The following ITGB3BP variants were observed in gnomAD, a reference collection of about 807,000 sequenced individuals.
ITGB3BP encodes the protein integrin subunit beta 3 binding protein, also known as centromere protein R.
A neutral mutation model predicts 29.1 loss-of-function variants in ITGB3BP; 27 were observed. The observed-to-expected ratio is 0.93, with a 90% CI of 0.68 to 1.28. The LOEUF (loss-of-function observed/expected upper bound fraction) is 1.28, where lower values mean the gene tolerates loss of function less well. ITGB3BP is among the 50% of genes most tolerant of loss of function. The pLI is 0.00. For synonymous variants in ITGB3BP, 61 were observed against 61.4 expected (o/e 0.99, Z 0.03); for missense variants, 192 against 200.2 (o/e 0.96, Z 0.25).
At chr1:63,470,388 A>AT (rs1424425434) in intron 4 of ITGB3BP, among the ~76,000 whole-genome samples, 1 of 152,272 alleles carries the variant, frequency 6.6e-6, no homozygotes, top group East Asian at 1.9e-4. Flanking sequence ...TGTACAGCTC[A>AT]TTCAATTGCA....
chr1:63,490,024 T>C, intron 3 of ITGB3BP, 59 bp downstream of exon 3: 2 of 1,451,732 alleles, frequency 1.4e-6, no homozygotes, highest in Non-Finnish European at 1.9e-6. Flanking sequence ...AATCACAATT[T>C]TGATTTGGCC....
At chr1:63,447,115 G>A in intron 7 of ITGB3BP, 2 of 430,868 alleles carry the variant, frequency 4.6e-6, no homozygotes, top group Non-Finnish European at 8.5e-6. Context: ...TATTACCATT[G>A]TTAGTACACT....
At chr1:63,493,157 T>C (rs1344618674) in intron 2 of ITGB3BP, among the ~76,000 whole-genome samples, 5 of 151,874 alleles carry the variant, frequency 3.3e-5, no homozygotes, top group Non-Finnish European at 7.4e-5. Context: ...TGGCAGCTCA[T>C]GCCTGTAATC....
At chr1:63,447,085 C>T (rs116268385) in intron 7 of ITGB3BP, 343 of 497,870 alleles carry the variant, frequency 6.9e-4, no homozygotes, top group Non-Finnish European at 1.0e-3. Flanking sequence ...ACTTCCAAGA[C>T]ATTTATTACA....
At chr1:63,511,151 T>C (rs565887268) in intron 1 of ITGB3BP, among the ~76,000 whole-genome samples, 30 of 152,230 alleles carry the variant, frequency 2.0e-4, no homozygotes, top group African/African-American at 6.7e-4. Flanking sequence ...GATATACTAA[T>C]GACCAATAAG....
At chr1:63,500,848 C>T (rs1268020782) in intron 2 of ITGB3BP, among the ~76,000 whole-genome samples, 2 of 152,036 alleles carry the variant, frequency 1.3e-5, no homozygotes, top group South Asian at 2.1e-4. Context: ...AAAAGAACAA[C>T]AAAGTTGAAG....
At chr1:63,482,975 A>T (rs75515711) in intron 3 of ITGB3BP, among the ~76,000 whole-genome samples, 20,335 of 152,160 alleles carry the variant, frequency 0.13, 1,518 homozygotes, top group Middle Eastern at 0.25. Flanking sequence ...TTTTCACTCA[A>T]AATGAAAATA....
intron 2 of ITGB3BP, among the ~76,000 whole-genome samples, chr1:63,496,955 C>T (rs1436640578): frequency 2.0e-5 from 3 of 152,142 alleles, no homozygotes; most frequent in African/African-American, 7.2e-5. Flanking sequence ...GTCTCTAATC[C>T]TAGAGTACTA....
intron 8 of ITGB3BP, among the ~76,000 whole-genome samples, chr1:63,443,857 G>A (rs1055494018): frequency 6.8e-6 from 1 of 147,104 alleles, no homozygotes; most frequent in African/African-American, 2.5e-5. Context: ...CATCTTTGGA[G>A]GGGAAATGAT....
chr1:63,489,497 T>C (rs1645600664), intron 3 of ITGB3BP, among the ~76,000 whole-genome samples: 1 of 151,450 alleles, frequency 6.6e-6, no homozygotes, highest in Non-Finnish European at 1.5e-5. Context: ...ATATGTATGG[T>C]CAAAATTAAA....
intron 2 of ITGB3BP, among the ~76,000 whole-genome samples, chr1:63,500,903 A>C (rs967870462): frequency 2.0e-5 from 3 of 152,194 alleles, no homozygotes; most frequent in Admixed American, 6.5e-5. Flanking sequence ...AACGTTTTTT[A>C]ATCTTAGAAA....
intron 2 of ITGB3BP, among the ~76,000 whole-genome samples, chr1:63,492,189 C>CTGTGTGTG (rs10610086): frequency 0.016 from 2,330 of 149,044 alleles, 54 homozygotes; most frequent in African/African-American, 0.054. Context: ...TGCATGTGCT[C>CTGTGTGTG]TGTGTGTGTG....
chr1:63,471,759 T>C (rs937461471), intron 4 of ITGB3BP, among the ~76,000 whole-genome samples: 2 of 152,156 alleles, frequency 1.3e-5, no homozygotes, highest in Non-Finnish European at 2.9e-5. Context: ...CCCTTAATTC[T>C]ACTTCTTAGA....
chr1:63,467,103 T>C (rs1428114075), intron 4 of ITGB3BP, among the ~76,000 whole-genome samples: 1 of 152,096 alleles, frequency 6.6e-6, no homozygotes, highest in African/African-American at 2.4e-5. Context: ...GGCTGGTCTC[T>C]AACTCCTTGC....
Position 63,505,391 on chromosome 1 carries a change from T to A in ITGB3BP, c.48+3137A>T, listed in dbSNP as rs191024603. 7.8e-3 allele frequency among the ~76,000 whole-genome samples: 1,190 copies of A among 152,288 alleles called. 13 individuals carry two copies. Among genetic ancestry groups the A allele is most frequent in the African/African-American group, 0.026 (1,076 of 41,566 alleles). ...ATCATTTTTTATTGCATCTATTTGA[T>A]TCTTCTCTCTTTTCTTCTTTATTAG... On this transcript the variant is annotated intron_variant, in intron 2 of 8. Coordinates refer to ENST00000271002, the MANE Select transcript of ITGB3BP (RefSeq NM_014288.5).
At chr1:63,457,741 T>G (rs1294914618) in intron 4 of ITGB3BP, 1 of 152,188 alleles carries the variant, frequency 6.6e-6, no homozygotes, top group African/African-American at 2.4e-5. Flanking sequence ...ATCCTTTATC[T>G]TATAATGACC....
intron 4 of ITGB3BP, among the ~76,000 whole-genome samples, chr1:63,459,365 A>G (rs535523713): frequency 7.9e-5 from 12 of 152,318 alleles, no homozygotes; most frequent in Non-Finnish European, 1.5e-4. Context: ...TATTACCTCT[A>G]AGAAATTGTA....
rs139284942 is a variant in ITGB3BP at position 63,522,888 on chromosome 1, C to T, written c.5+241G>A. The T allele has an allele frequency of 8.7e-6, 6 of 688,738 alleles. No homozygotes were observed. The African/African-American group carries it at 1.1e-4, about 12-fold the overall frequency. The allele number at this position is 688,738 out of a possible 1,614,324, so 42.7% of individuals were successfully genotyped here. ...TTAGACATCACCTAAATACAGCCCA[C>T]AGTTTACGAAATCTGTCAAAAGCAT... On this transcript the variant is annotated intron_variant, in intron 1 of 8. Transcript: ENST00000271002.
At chr1:63,521,269 A>AAC (rs201808705) in intron 1 of ITGB3BP, among the ~76,000 whole-genome samples, 50,178 of 151,248 alleles carry the variant, frequency 0.33, 8,568 homozygotes, top group East Asian at 0.48. Context: ...TAAAAAAAAA[A>AAC]AAAACACTTA....
Sources: allele counts gnomAD v4.1 joint callset (sites outside exome capture counted in the v4.1 genomes callset), GRCh38; gene constraint gnomAD v4.1.1; transcripts MANE v1.5; gene names NCBI Gene and HGNC (gene_info 2026-07-23, HGNC 2026-07-21).